The following ACP3 variants were observed in gnomAD, a reference collection of about 807,000 sequenced individuals.
ACP3 encodes the protein prostatic acid phosphatase.
ACP3 carries 38 observed loss-of-function variants against 45.6 expected under a neutral mutation model. The observed-to-expected ratio is 0.83, with a 90% CI of 0.64 to 1.09. The LOEUF (loss-of-function observed/expected upper bound fraction) is 1.09. ACP3 is among the 50% of genes least tolerant of loss of function. The pLI is 0.00. For missense variants in ACP3, 466 were observed against 463.2 expected (o/e 1.01, Z -0.05); for synonymous variants, 162 against 164.7 (o/e 0.98, Z 0.13).
downstream of ACP3, among the ~76,000 whole-genome samples, chr3:132,362,610 G>T (rs370815264): frequency 1.3e-5 from 2 of 152,192 alleles, no homozygotes; most frequent in African/African-American, 4.8e-5. Flanking sequence ...AGGGCATAAG[G>T]AGAAAACACA....
chr3:132,351,084 C>G (rs1937724224), intron 8 of ACP3, among the ~76,000 whole-genome samples: 1 of 152,062 alleles, frequency 6.6e-6, no homozygotes, highest in Non-Finnish European at 1.5e-5. Context: ...TTTTCAGTGG[C>G]AGGAAGGAGG....
At chr3:132,356,447 C>T (rs1338795108) in intron 9 of ACP3, among the ~76,000 whole-genome samples, 10 of 152,146 alleles carry the variant, frequency 6.6e-5, no homozygotes, top group African/African-American at 2.4e-4. Flanking sequence ...ATTTAGCATC[C>T]TGGTGCCTAC....
intron 2 of ACP3, among the ~76,000 whole-genome samples, chr3:132,329,053 G>A (rs932707987): frequency 3.9e-5 from 6 of 152,180 alleles, no homozygotes; most frequent in Non-Finnish European, 1.5e-5. Flanking sequence ...TTTCTGAAGA[G>A]CATCTAAGGA....
chr3:132,357,009 G>A lies in ACP3; in HGVS notation c.*131G>A, dbSNP rs779314422. ...TTGGATGATTATTTTATGTTTTAGG[G>A]ACCCCCAACCTCAGGCAATTCCTAC... On this transcript the variant is annotated 3_prime_UTR_variant, in exon 10 of 10. Coordinates refer to ENST00000336375, the MANE Select transcript of ACP3 (RefSeq NM_001099.5). 2.1e-6 allele frequency: 3 copies of A among 1,400,276 alleles called. No individual in the cohort carries two copies. The highest frequency in any genetic ancestry group is 1.9e-6 in the Non-Finnish European group (2 of 1,079,460). 86.7% of individuals were successfully genotyped at this position (1,400,276 alleles called of 1,614,324 possible).
chr3:132,343,119 C>T (rs1364163516), intron 6 of ACP3, among the ~76,000 whole-genome samples: 3 of 152,290 alleles, frequency 2.0e-5, no homozygotes, highest in East Asian at 3.9e-4. Flanking sequence ...CTTTGCGATG[C>T]ATTTGAAATA....
In ACP3 at chr3:132,328,245, ACT is replaced by A. The variant is rs760299722; in HGVS notation, c.121-16_121-15del. The A allele has an allele frequency of 6.3e-7, 1 of 1,595,934 alleles. No homozygotes were observed. ...ACACCCAAGTGACGTTTGTAACATC[ACT>A]CTCTCACATCTACTTTCAGGTGTTT... is the stretch of plus-strand genomic sequence containing the variant. On this transcript the variant is annotated intron_variant, in intron 1 of 9. Transcript: ENST00000336375.
Position 132,332,262 on chromosome 3 carries a change from C to A in ACP3, c.374C>A (p.Pro125His). 6.2e-7 allele frequency: 1 copy of A among 1,614,106 alleles called. No individual in the cohort carries two copies. Among genetic ancestry groups the A allele is most frequent in the Non-Finnish European group, 8.5e-7 (1 of 1,180,006 alleles). Residue 125 changes from proline to histidine, a missense_variant, in exon 4 of 10, where the codon CCC becomes CAC. Physicochemically the swap from Pro to His is moderately conservative, Grantham distance 77 (BLOSUM62 -2). Transcript: ENST00000336375. ...ATGACAAACCTGGCAGCCCTGTTTC[C>A]CCCAGAAGGTGTCAGCATCTGGAAT... The part of the protein sequence containing the change: ...SAMTNLAALF[P>H]PEGVSIWNPI...
chr3:132,363,819 C>T (rs148797306), downstream of ACP3, among the ~76,000 whole-genome samples: 3,055 of 152,210 alleles, frequency 0.02, 44 homozygotes, highest in Non-Finnish European at 0.031. Context: ...CACCTGTAGT[C>T]CCAGCCACTC....
rs1004358598 is a variant in ACP3, at chr3:132,358,262, G to A, written c.*1384G>A. ...GGAAGGAAGGGACACATATCAAACT[G>A]AAACAAAATTAGAAATGTAATTATG... On this transcript the variant is annotated 3_prime_UTR_variant, in exon 10 of 10. Coordinates refer to ENST00000336375, the MANE Select transcript of ACP3 (RefSeq NM_001099.5). 2 of 1,120,120 alleles carry A rather than the reference G, an allele frequency of 1.8e-6. No homozygotes were observed. The highest frequency in any genetic ancestry group is 2.2e-6 in the Non-Finnish European group (2 of 902,976). The allele number at this position is 1,120,120 out of a possible 1,614,324, so 69.4% of individuals were successfully genotyped here. A position where few individuals can be genotyped will look rare whatever the true frequency, so the allele number is the denominator to read the frequency against.
Position 132,357,216 on chromosome 3 carries a change from T to C in ACP3, c.*338T>C, listed in dbSNP as rs551484240. ...CACAGGATCTTTTGTATTTAAGGAT[T>C]CTGAGATTTTGCTTGAGCAGGATTA... On this transcript the variant is annotated 3_prime_UTR_variant, in exon 10 of 10. Transcript: ENST00000336375. The C allele has an allele frequency of 1.1e-4, 109 of 1,006,406 alleles. No individual in the cohort carries two copies. The African/African-American group carries it at 1.8e-3, about 17-fold the overall frequency. 62.3% of individuals were successfully genotyped at this position (1,006,406 alleles called of 1,614,324 possible). A position where few individuals can be genotyped will look rare whatever the true frequency, so the allele number is the denominator to read the frequency against.
intron 7 of ACP3, among the ~76,000 whole-genome samples, chr3:132,347,894 T>C (rs1034921801): frequency 3.1e-5 from 4 of 128,930 alleles, no homozygotes; most frequent in Admixed American, 7.8e-5. Flanking sequence ...CTGGGGCAAA[T>C]TTAGGATCAT....
At chr3:132,349,331 C>G (rs1273128098) in intron 7 of ACP3, among the ~76,000 whole-genome samples, 2 of 152,168 alleles carry the variant, frequency 1.3e-5, no homozygotes, top group Non-Finnish European at 2.9e-5. Context: ...GGCTGTCCCC[C>G]CAATAGTGAC....
intron 6 of ACP3, among the ~76,000 whole-genome samples, chr3:132,343,418 A>G (rs1937573677): frequency 6.6e-6 from 1 of 152,220 alleles, no homozygotes; most frequent in Admixed American, 6.5e-5. Flanking sequence ...ATCACATGCT[A>G]CTTTCCCAGT....
chr3:132,320,271 A>C (rs73001151), intron 1 of ACP3, among the ~76,000 whole-genome samples: 379 of 152,264 alleles, frequency 2.5e-3, no homozygotes, highest in African/African-American at 8.5e-3. Context: ...CACTGAGAGA[A>C]CTGACATTTT....
chr3:132,317,550 G>C lies in ACP3; in HGVS notation c.94G>C (p.Ala32Pro), dbSNP rs759831942. 19 of 1,612,796 alleles carry C rather than the reference G, an allele frequency of 1.2e-5. No individual in the cohort carries two copies. The highest frequency in any genetic ancestry group is 1.4e-5 in the Non-Finnish European group (17 of 1,179,450). ...TTTCTGGCTAGACCGAAGTGTACTAGCCAAGGAGTTGAAGTTTGTGACTTT... is the reference window on the plus strand; with the variant it reads ...TTTCTGGCTAGACCGAAGTGTACTACCCAAGGAGTTGAAGTTTGTGACTTT... Reference protein sequence around the residue: ...LFFWLDRSVLAKELKFVTLVF... With the variant: ...LFFWLDRSVLPKELKFVTLVF... The change falls in exon 1 of 10, where the codon GCC (alanine) becomes CCC (proline). Residue 32 changes from alanine to proline, a missense_variant. Physicochemically the swap from Ala to Pro is conservative, Grantham distance 27 (BLOSUM62 -1). Transcript: ENST00000336375.
At chr3:132,367,809 A>G (rs570050616) in exon 11 of ACP3, 4 of 1,611,536 alleles carry the variant, frequency 2.5e-6, no homozygotes, top group East Asian at 2.2e-5. Flanking sequence ...AGAGAATCCT[A>G]TGGGAACATC....
intron 5 of ACP3, among the ~76,000 whole-genome samples, chr3:132,339,809 A>G (rs1183086062): frequency 2.0e-5 from 3 of 152,098 alleles, no homozygotes; most frequent in Non-Finnish European, 2.9e-5. Context: ...TTGGCTATCA[A>G]CTTAAATTTT....
At chr3:132,351,265 T>C (rs1047562034) in intron 8 of ACP3, among the ~76,000 whole-genome samples, 4 of 152,054 alleles carry the variant, frequency 2.6e-5, no homozygotes, top group African/African-American at 9.7e-5. Flanking sequence ...GAGCAAGAGA[T>C]CTTAGAAAAG....
intron 8 of ACP3, among the ~76,000 whole-genome samples, chr3:132,350,757 G>A (rs1039739374): frequency 3.3e-5 from 5 of 152,208 alleles, no homozygotes; most frequent in Non-Finnish European, 5.9e-5. Context: ...GTAGAAAGAA[G>A]CAAGGAAGCA....
Sources: allele counts gnomAD v4.1 joint callset (sites outside exome capture counted in the v4.1 genomes callset), GRCh38; gene constraint gnomAD v4.1.1; transcripts MANE v1.5; gene names NCBI Gene and HGNC (gene_info 2026-07-23, HGNC 2026-07-21).